The following SART3 variants were observed in gnomAD, a reference collection of about 807,000 sequenced individuals.
The protein encoded by SART3 is HIV-1 Tat-interacting protein of 110kDa.
SART3 carries 44 observed loss-of-function variants against 122.3 expected under a neutral mutation model. That is an observed-to-expected ratio of 0.36 (90% CI 0.28 to 0.46). The LOEUF is 0.46. Among genes scored for constraint, SART3 ranks in the 20% least tolerant of loss-of-function variants. SART3 has a pLI of 1.00. For synonymous variants in SART3, 442 were observed against 454.0 expected (o/e 0.97, Z 0.34); for missense variants, 1,101 against 1,229.0 (o/e 0.90, Z 1.56).
chr12:108,533,903 T>C (rs922278594), intron 12 of SART3, among the ~76,000 whole-genome samples: 1 of 152,344 alleles, frequency 6.6e-6, no homozygotes, highest in Non-Finnish European at 1.5e-5. Context: ...CACTGAAGTT[T>C]TGCTATAATA....
chr12:108,537,587 C>T lies in SART3; in HGVS notation c.1210G>A (p.Glu404Lys), dbSNP rs759410185. The T allele has an allele frequency of 9.9e-6, 16 of 1,613,744 alleles. No individual in the cohort carries two copies. Among genetic ancestry groups the T allele is most frequent in the Non-Finnish European group, 1.2e-5 (14 of 1,179,824 alleles). Residue 404 changes from glutamate (E) to lysine (K), a missense_variant, in exon 9 of 19, where the codon GAG becomes AAG. Coordinates refer to ENST00000546815, the MANE Select transcript of SART3 (RefSeq NM_014706.4). ...ATGAAGCCGGCATTCAAAGCTTTCT[C>T]GAAGGTTACTGGAGTTGGAGAAAAG... ...VDHQVISVTFEKALNAGFIQA... is the reference protein window; with the variant it reads ...VDHQVISVTFKKALNAGFIQA...
intron 5 of SART3, 134 bp downstream of exon 5, chr12:108,544,293 C>T (rs1873304506): frequency 1.1e-5 from 9 of 845,000 alleles, no homozygotes; most frequent in Non-Finnish European, 1.9e-5. Flanking sequence ...TCCAAAGAGA[C>T]AATATCCAAG....
At chr12:108,524,709 C>T (rs1204631360) in intron 17 of SART3, 1 of 611,384 alleles carries the variant, frequency 1.6e-6, no homozygotes, top group Non-Finnish European at 2.9e-6. Context: ...CCGAGTGCTG[C>T]TATGCACTGT....
rs189736041 is a variant in SART3 at position 108,534,865 on chromosome 12, C to G, written c.1556+494G>C. On this transcript the variant is annotated intron_variant, in intron 12 of 18. Transcript: ENST00000546815. ...TTGGTCACATTCTTTATGTTTTCCCCATGTTATAAATATTGTTAGGCCTAT... is the reference window on the plus strand; with the variant it reads ...TTGGTCACATTCTTTATGTTTTCCCGATGTTATAAATATTGTTAGGCCTAT... Among the ~76,000 whole-genome samples, 564 of 152,262 alleles carry G rather than the reference C, an allele frequency of 3.7e-3. 1 individual carries two copies. Among genetic ancestry groups the G allele is most frequent in the Admixed American group, 4.8e-3 (74 of 15,294 alleles).
Position 108,559,388 on chromosome 12 carries a change from G to A in SART3, c.312+1455C>T, listed in dbSNP as rs549453421. On this transcript the variant is annotated intron_variant, in intron 1 of 18. Coordinates refer to ENST00000546815, the MANE Select transcript of SART3 (RefSeq NM_014706.4). ...CATCTGTAAAAAGAGAATGCGGGCC[G>A]GGCGTAGCGGCTCACACCTGTAATC... Among the ~76,000 whole-genome samples, 76 of 152,260 alleles carry A rather than the reference G, an allele frequency of 5.0e-4. 1 individual carries two copies. The highest frequency in any genetic ancestry group is 7.9e-4 in the Non-Finnish European group (54 of 68,018).
At chr12:108,527,150 C>T (rs541814308) in intron 15 of SART3, among the ~76,000 whole-genome samples, 6 of 152,324 alleles carry the variant, frequency 3.9e-5, no homozygotes, top group Admixed American at 1.3e-4. Flanking sequence ...TCAGTTCACC[C>T]GCTGCCTTTC....
chr12:108,537,388 A>G, intron 9 of SART3, 100 bp downstream of exon 9: 1 of 867,774 alleles, frequency 1.2e-6, no homozygotes, highest in Non-Finnish European at 1.9e-6. Flanking sequence ...AGTCTACATC[A>G]TTTGCCCAAT....
chr12:108,560,492 T>G lies in SART3; in HGVS notation c.312+351A>C, dbSNP rs192607861. On this transcript the variant is annotated intron_variant, in intron 1 of 18. Transcript: ENST00000546815. ...ATGAGTTTATTTCTACTGTTGGACG[T>G]GTGGTTAAGAGTGGGAGTTCTGGAA... 2.3e-3 allele frequency: 907 copies of G among 391,456 alleles called. 12 individuals carry two copies. The highest frequency in any genetic ancestry group is 4.1e-4 in the Non-Finnish European group (91 of 221,756). 24.2% of individuals were successfully genotyped at this position (391,456 alleles called of 1,614,324 possible).
intron 1 of SART3, among the ~76,000 whole-genome samples, chr12:108,556,098 CTCTT>C (rs1451249198): frequency 2.6e-5 from 2 of 77,008 alleles, no homozygotes; most frequent in Non-Finnish European, 6.9e-5. Context: ...TTGAGAAACT[CTCTT>C]TTTTTTTTTT....
chr12:108,530,734 T>C (rs558669749), intron 14 of SART3, among the ~76,000 whole-genome samples: 1 of 152,162 alleles, frequency 6.6e-6, no homozygotes, highest in East Asian at 1.9e-4. Context: ...AGCGGGCACC[T>C]GTAGTCCCAG....
At chr12:108,524,826 A>C in intron 17 of SART3, 2 of 404,824 alleles carry the variant, frequency 4.9e-6, no homozygotes, top group East Asian at 5.5e-5. Context: ...CAAATAAACC[A>C]AGAGGTGGAT....
intron 11 of SART3, 124 bp downstream of exon 11, chr12:108,536,390 A>T (rs1332610273): frequency 5.4e-5 from 51 of 940,818 alleles, no homozygotes; most frequent in Non-Finnish European, 1.7e-6. Flanking sequence ...TACCTAGGTA[A>T]TAACATAAAT....
At chr12:108,550,200 T>C (rs953593081) in intron 1 of SART3, among the ~76,000 whole-genome samples, 4 of 152,106 alleles carry the variant, frequency 2.6e-5, no homozygotes, top group Admixed American at 1.3e-4. Flanking sequence ...AAAATGTCAC[T>C]AGCAGACCTA....
chr12:108,534,250 C>T (rs1021524212), intron 12 of SART3, among the ~76,000 whole-genome samples: 1 of 152,054 alleles, frequency 6.6e-6, no homozygotes, highest in African/African-American at 2.4e-5. Flanking sequence ...ATATAACTCA[C>T]ATACATAAAA....
chr12:108,542,863 G>T, intron 6 of SART3, 165 bp downstream of exon 6: 1 of 953,644 alleles, frequency 1.0e-6, no homozygotes, highest in Non-Finnish European at 1.6e-6. Flanking sequence ...TGGGTGGTAG[G>T]TACATGGATG....
At chr12:108,529,162 G>A (rs1302218361) in intron 15 of SART3, among the ~76,000 whole-genome samples, 3 of 152,202 alleles carry the variant, frequency 2.0e-5, no homozygotes, top group Admixed American at 1.3e-4. Context: ...AGAGAGAGAA[G>A]GGCATTGCAA....
rs986237366 is a variant in SART3 at position 108,544,970 on chromosome 12, G to A, written c.729+169C>T. 4 of 759,538 alleles carry A rather than the reference G, an allele frequency of 5.3e-6. No homozygotes were observed. The Admixed American group carries it at 5.7e-5, about 11-fold the overall frequency. The allele number at this position is 759,538 out of a possible 1,614,324, so 47.0% of individuals were successfully genotyped here. ...ACATATTGTACCAAATGCTAGAAGGGGTATAAAAAAAGGTTATCTATCACC... is the reference window on the plus strand; with the variant it reads ...ACATATTGTACCAAATGCTAGAAGGAGTATAAAAAAAGGTTATCTATCACC... On this transcript the variant is annotated intron_variant, in intron 4 of 18. Transcript: ENST00000546815.
chr12:108,526,043 A>G, intron 16 of SART3, 56 bp downstream of exon 16: 1 of 1,346,610 alleles, frequency 7.4e-7, no homozygotes. Flanking sequence ...GCAGGAAGAA[A>G]GTGCCTGTCT....
At chr12:108,538,802 GC>G in intron 7 of SART3, 131 bp downstream of exon 7, 1 of 1,083,452 alleles carries the variant, frequency 9.2e-7, no homozygotes, top group Admixed American at 2.0e-5. Context: ...AAACGAGTTG[GC>G]AAAGAGGAGA....
Sources: gnomAD v4.1 joint callset for allele counts (sites outside exome capture counted in the v4.1 genomes callset) on GRCh38, gnomAD v4.1.1 for gene constraint, MANE v1.5 for transcripts, NCBI Gene and HGNC (gene_info 2026-07-23, HGNC 2026-07-21) for gene names.